Variants in SEM1 observed in about 807,000 individuals in gnomAD.
The protein encoded by SEM1 is SEM1 26S proteasome subunit, also known as 26S proteasome complex subunit SEM1.
Under a neutral mutation model 12.7 loss-of-function variants are expected in SEM1, and 3 were observed. The ratio of observed to expected loss-of-function variants is 0.24; its 90% CI spans 0.11 to 0.61. The LOEUF (loss-of-function observed/expected upper bound fraction) is 0.61, where lower values mean the gene tolerates loss of function less well. Among genes scored for constraint, SEM1 ranks in the 20% least tolerant of loss-of-function variants. The probability of loss-of-function intolerance (pLI) is 0.88; values close to 1 mark genes in which losing one functional copy is unlikely to be tolerated. For missense variants in SEM1, 59 were observed against 81.3 expected (o/e 0.73, Z 1.06); for synonymous variants, 30 against 27.8 (o/e 1.08, Z -0.25).
At chr7:96,559,666 T>C (rs771611880) in intron 2 of SEM1, among the ~76,000 whole-genome samples, 38 of 152,228 alleles carry the variant, frequency 2.5e-4, no homozygotes, top group Non-Finnish European at 4.0e-4. Context: ...TATATAGCAC[T>C]TTTAAAGGCT....
intron 1 of SEM1, chr7:96,708,051 T>C (rs1468825494): frequency 1.3e-5 from 2 of 152,210 alleles, no homozygotes; most frequent in South Asian, 2.1e-4. Flanking sequence ...GATAATTAGA[T>C]TATGTAATGC....
In SEM1 at chr7:96,484,823, A is replaced by T; in HGVS notation, c.257+2T>A. 7.8e-7 allele frequency: 1 copy of T among 1,287,214 alleles called. No individual in the cohort carries two copies. Among genetic ancestry groups the T allele is most frequent in the Non-Finnish European group, 1.0e-6 (1 of 986,352 alleles). 79.7% of individuals were successfully genotyped at this position (1,287,214 alleles called of 1,614,324 possible). On this transcript the variant is annotated splice_donor_variant, in intron 3 of 3. Transcript: ENST00000356686. LOFTEE classifies it high-confidence loss of function. ...TATCCATTTATATCTTTGTTCCATT[A>T]CCTTGCCCACTTCTTTTTTCTTGAG...
intron 1 of SEM1, among the ~76,000 whole-genome samples, chr7:96,707,941 G>C (rs1790521855): frequency 6.6e-6 from 1 of 152,218 alleles, no homozygotes; most frequent in Non-Finnish European, 1.5e-5. Flanking sequence ...GTTTGGATCA[G>C]GGAGTTAGAC....
At chr7:96,518,991 A>T (rs1804185009) in intron 2 of SEM1, among the ~76,000 whole-genome samples, 1 of 152,162 alleles carries the variant, frequency 6.6e-6, no homozygotes, top group South Asian at 2.1e-4. Flanking sequence ...TATACACAAC[A>T]TTCCATGTAA....
At chr7:96,675,772 G>A (rs928827603) in intron 2 of SEM1, among the ~76,000 whole-genome samples, 2 of 152,158 alleles carry the variant, frequency 1.3e-5, no homozygotes, top group African/African-American at 4.8e-5. Context: ...AGTGAGTGAT[G>A]CAAAGGAAGA....
rs528868228 is a variant in SEM1 at position 96,640,404 on chromosome 7, G to C, written c.171-17761C>G. Among the ~76,000 whole-genome samples the C allele has an allele frequency of 6.6e-6, 1 of 152,038 alleles. No homozygotes were observed. The highest frequency in any genetic ancestry group is 2.1e-4 in the South Asian group (1 of 4,826). Reference sequence around the variant, plus strand: ...CTATTTTCCAGTGCTAAAAAGAAATGAGCTACCAAGCCATGAAAAGACAAA... The same window carrying C: ...CTATTTTCCAGTGCTAAAAAGAAATCAGCTACCAAGCCATGAAAAGACAAA... On this transcript the variant is annotated intron_variant, in intron 2 of 2. Transcript: ENST00000417009. This position sits in a 1 kb window ranked among gnomAD's most constrained non-coding sequence, Gnocchi z 4.0.
At chr7:96,522,721 T>TCCCC (rs1584734488) in intron 2 of SEM1, among the ~76,000 whole-genome samples, 1 of 31,542 alleles carries the variant, frequency 3.2e-5, no homozygotes, top group African/African-American at 9.2e-5. Flanking sequence ...CTACTAAAAA[T>TCCCC]ACCCCCCCCC....
intron 2 of SEM1, among the ~76,000 whole-genome samples, chr7:96,536,955 G>A (rs1237512320): frequency 6.6e-6 from 1 of 151,644 alleles, no homozygotes; most frequent in African/African-American, 2.4e-5. Flanking sequence ...CTATACTAGA[G>A]ACTTTCCTAT....
At chr7:96,579,687 TG>T (rs1348148979) in intron 2 of SEM1, among the ~76,000 whole-genome samples, 1 of 152,178 alleles carries the variant, frequency 6.6e-6, no homozygotes, top group Non-Finnish European at 1.5e-5. Context: ...GACTGCCTCT[TG>T]AAAAGAGTAA....
intron 1 of SEM1, among the ~76,000 whole-genome samples, chr7:96,707,760 T>C (rs2116070786): frequency 6.6e-6 from 1 of 152,336 alleles, no homozygotes; most frequent in East Asian, 1.9e-4. Context: ...TGAAAGTTGC[T>C]GAAAAAAATC....
chr7:96,521,492 A>C (rs1804268930), intron 2 of SEM1, among the ~76,000 whole-genome samples: 1 of 152,106 alleles, frequency 6.6e-6, no homozygotes. Flanking sequence ...CAGATCAATC[A>C]TTTAGGGGCA....
At chr7:96,648,239 A>T (rs1808865074) in intron 2 of SEM1, among the ~76,000 whole-genome samples, 1 of 152,218 alleles carries the variant, frequency 6.6e-6, no homozygotes, top group Non-Finnish European at 1.5e-5. Context: ...CTATCATAGA[A>T]GGAGTAGCAG....
intron 2 of SEM1, among the ~76,000 whole-genome samples, chr7:96,666,770 T>C (rs1789183648): frequency 6.6e-6 from 1 of 151,974 alleles, no homozygotes; most frequent in Non-Finnish European, 1.5e-5. Context: ...CTTACCATGC[T>C]TCTCCTGCCT....
chr7:96,502,795 G>A (rs1803611674), intron 3 of SEM1, among the ~76,000 whole-genome samples: 1 of 152,180 alleles, frequency 6.6e-6, no homozygotes, highest in South Asian at 2.1e-4. Flanking sequence ...CCTTCTACAT[G>A]TAAGGCATTG....
chr7:96,646,278 T>C (rs563213648), intron 2 of SEM1, among the ~76,000 whole-genome samples: 1 of 152,342 alleles, frequency 6.6e-6, no homozygotes, highest in South Asian at 2.1e-4. Context: ...AAAGAGATCA[T>C]ATGTGGCCCA....
At chr7:96,709,323 A>G (rs1790573687) in intron 1 of SEM1, among the ~76,000 whole-genome samples, 1 of 152,250 alleles carries the variant, frequency 6.6e-6, no homozygotes, top group Admixed American at 6.5e-5. Context: ...AAAGACAAAG[A>G]AAGACTGCTA....
At chr7:96,552,904 G>C (rs1406453107) in intron 2 of SEM1, among the ~76,000 whole-genome samples, 1 of 148,906 alleles carries the variant, frequency 6.7e-6, no homozygotes, top group African/African-American at 2.5e-5. Context: ...GTGTGAGATG[G>C]TATCTCATTG....
At position 96,511,235 on chromosome 7, in the gene SEM1, T is replaced by C. The variant is rs1803924988; in HGVS notation, c.171-4537A>G. ...AATTTGGTGATGTCCTGACCACAGA[T>C]TCATTCATTCAGTCAGTCAGTTATC... On this transcript the variant is annotated intron_variant and NMD_transcript_variant, in intron 2 of 3. Coordinates refer to the SEM1 transcript ENST00000466986. Among the ~76,000 whole-genome samples the C allele has an allele frequency of 2.0e-5, 3 of 152,156 alleles. No homozygotes were observed. The South Asian group carries it at 6.2e-4, about 32-fold the overall frequency.
chr7:96,633,956 T>TA (rs1202544244), intron 2 of SEM1, among the ~76,000 whole-genome samples: 2 of 152,068 alleles, frequency 1.3e-5, no homozygotes, highest in Non-Finnish European at 2.9e-5. Context: ...AGAAAATAAA[T>TA]ATGGACGAGT....
Sources: gnomAD v4.1 joint callset for allele counts (sites outside exome capture counted in the v4.1 genomes callset) on GRCh38, gnomAD v4.1.1 for gene constraint, Gnocchi (gnomAD v3.1) non-coding constraint, MANE v1.5 for transcripts, NCBI Gene and HGNC (gene_info 2026-07-23, HGNC 2026-07-21) for gene names.